GIGYF2: variants seen among roughly 807,000 people sequenced by gnomAD.
The protein encoded by GIGYF2 is GRB10-interacting GYF protein 2.
GIGYF2 carries 25 observed loss-of-function variants against 208.1 expected under a neutral mutation model. The ratio of observed to expected loss-of-function variants is 0.12; its 90% CI spans 0.09 to 0.17. The LOEUF (loss-of-function observed/expected upper bound fraction) is 0.17. Among genes scored for constraint, GIGYF2 ranks in the 10% least tolerant of loss-of-function variants. The pLI is 1.00. For synonymous variants in GIGYF2, 534 were observed against 543.8 expected, an observed-to-expected ratio of 0.98 and a Z score of 0.25; for missense variants, 1,302 against 1,579.4, an observed-to-expected ratio of 0.82 and a Z score of 2.98.
chr2:232,743,071 C>G (rs1485042697), intron 3 of GIGYF2, among the ~76,000 whole-genome samples: 2 of 152,156 alleles, frequency 1.3e-5, no homozygotes, highest in African/African-American at 4.8e-5. Flanking sequence ...ACAACACTTA[C>G]CAAGCGAAGA....
intron 5 of GIGYF2, among the ~76,000 whole-genome samples, chr2:232,752,020 C>T (rs1698350973): frequency 6.6e-6 from 1 of 152,280 alleles, no homozygotes; most frequent in South Asian, 2.1e-4. Flanking sequence ...GGTCTGTATT[C>T]TGTGATCACA....
At chr2:232,777,670 A>G (rs1240575980) in intron 8 of GIGYF2, among the ~76,000 whole-genome samples, 2 of 129,034 alleles carry the variant, frequency 1.5e-5, no homozygotes, top group Non-Finnish European at 3.1e-5. Flanking sequence ...TTTTATTAGT[A>G]CCAAATACTT....
chr2:232,725,369 A>C (rs1697148545), intron 2 of GIGYF2, among the ~76,000 whole-genome samples: 1 of 151,996 alleles, frequency 6.6e-6, no homozygotes, highest in Non-Finnish European at 1.5e-5. Context: ...TTTCTTCTTT[A>C]CCCTTTCCTG....
chr2:232,731,484 G>A (rs1264605136), intron 2 of GIGYF2, among the ~76,000 whole-genome samples: 1 of 152,114 alleles, frequency 6.6e-6, no homozygotes, highest in Non-Finnish European at 1.5e-5. Flanking sequence ...TGGTAAAACC[G>A]CTCCTTCAGG....
Position 232,844,511 on chromosome 2 carries a change from A to C in GIGYF2, c.3242A>C (p.Asp1081Ala). 6.2e-7 allele frequency: 1 copy of C among 1,613,822 alleles called. No individual in the cohort carries two copies. Among genetic ancestry groups the C allele is most frequent in the Non-Finnish European group, 8.5e-7 (1 of 1,179,750 alleles). The change falls in exon 25 of 29, where the codon GAT becomes GCT. Residue 1081 changes from aspartate (D) to alanine (A), a missense_variant. Asp to Ala is a moderately radical substitution (Grantham distance 126). Around this residue, in one of 8 missense-constraint regions of GIGYF2, gnomAD observed 701 missense variants for 793.0 expected, o/e 0.88. Coordinates refer to ENST00000373563, the MANE Select transcript of GIGYF2 (RefSeq NM_001103146.3). Reference sequence around the variant, plus strand: ...AACTCCAACATGGGATTCTGGGATGATGCAGTGAAAGAGGTGGGACCTAGG... The same window carrying C: ...AACTCCAACATGGGATTCTGGGATGCTGCAGTGAAAGAGGTGGGACCTAGG... ...TKNSNMGFWD[D>A]AVKEVGPRNS...
intron 2 of GIGYF2, among the ~76,000 whole-genome samples, chr2:232,733,237 A>G (rs1387584363): frequency 6.8e-6 from 1 of 148,074 alleles, no homozygotes; most frequent in African/African-American, 2.5e-5. Flanking sequence ...AGCCTGGGCG[A>G]CAGAGCGAGA....
chr2:232,817,029 A>C lies in GIGYF2; in HGVS notation c.2367A>C (p.Lys789Asn). 2 of 1,610,200 alleles carry C rather than the reference A, an allele frequency of 1.2e-6. No homozygotes were observed. The highest frequency in any genetic ancestry group is 1.7e-6 in the Non-Finnish European group (2 of 1,176,392). ...AGGAAGAAGAACTTGCCCGAAGGAA[A>C]CAGGTATGTATCTGGGAACTCTGAC... ...RREEEELARR[K>N]QEEALRRQRE... The change falls in exon 20 of 29, where the codon AAA (lysine) becomes AAC (asparagine). Residue 789 changes from lysine (K) to asparagine (N), a missense_variant. By Grantham distance (94) the Lys-to-Asn change is moderately conservative (BLOSUM62 0). Transcript: ENST00000373563.
chr2:232,758,507 G>A (rs981840713), intron 6 of GIGYF2, among the ~76,000 whole-genome samples: 3 of 152,160 alleles, frequency 2.0e-5, no homozygotes, highest in African/African-American at 7.2e-5. Context: ...CTTACGATAG[G>A]TTCATCATGT....
rs1483223539 is a variant in GIGYF2, at chr2:232,723,052, G to A, written c.-43-12103G>A. On this transcript the variant is annotated intron_variant, in intron 2 of 28. Coordinates refer to ENST00000373563, the MANE Select transcript of GIGYF2 (RefSeq NM_001103146.3). The stretch of plus-strand genomic sequence containing the variant: ...TCCCAGCCTGGTCTCAAACTCCTGG[G>A]CTCAAGCAATCTGCCTACCTCAGCG... 2.6e-5 allele frequency among the ~76,000 whole-genome samples: 4 copies of A among 152,064 alleles called. No individual in the cohort carries two copies. In the East Asian group the frequency reaches 7.7e-4, roughly 29 times the overall value.
chr2:232,787,097 A>C, intron 8 of GIGYF2, 53 bp from the exon 9 acceptor site: 1 of 1,351,520 alleles, frequency 7.4e-7, no homozygotes, highest in Non-Finnish European at 1.1e-6. Context: ...TTTGTTTTCA[A>C]AGCCTATACT....
chr2:232,745,828 A>G (rs1334156211), intron 3 of GIGYF2, among the ~76,000 whole-genome samples: 1 of 152,198 alleles, frequency 6.6e-6, no homozygotes, highest in African/African-American at 2.4e-5. Flanking sequence ...ACTACATACG[A>G]AGTATTGCCA....
intron 14 of GIGYF2, among the ~76,000 whole-genome samples, chr2:232,797,199 A>G (rs980423843): frequency 2.0e-4 from 30 of 152,172 alleles, no homozygotes; most frequent in African/African-American, 6.3e-4. Context: ...TGTAAGTTCG[A>G]TTAGAATGGG....
chr2:232,843,872 C>G, intron 23 of GIGYF2, 174 bp from the exon 24 acceptor site: 1 of 661,284 alleles, frequency 1.5e-6, no homozygotes, highest in African/African-American at 1.8e-5. Flanking sequence ...TGTTTTTATT[C>G]TCCTTTTTAA....
At position 232,763,341 on chromosome 2, in the gene GIGYF2, T is replaced by G. The variant is rs565468296; in HGVS notation, c.532+1905T>G. On this transcript the variant is annotated intron_variant, in intron 8 of 28. Coordinates refer to ENST00000373563, the MANE Select transcript of GIGYF2 (RefSeq NM_001103146.3). ...GGATTATAGTAGTTCTCCCCCTTTA[T>G]TTGTGGGAGATACATTTCAAGACCC... Among the ~76,000 whole-genome samples, 251 of 152,232 alleles carry G rather than the reference T, an allele frequency of 1.6e-3. 1 individual carries two copies. The highest frequency in any genetic ancestry group is 3.7e-3 in the South Asian group (18 of 4,816).
intron 5 of GIGYF2, among the ~76,000 whole-genome samples, chr2:232,752,102 T>C (rs1698355641): frequency 6.6e-6 from 1 of 152,198 alleles, no homozygotes; most frequent in Admixed American, 6.5e-5. Context: ...TTGAAGGCAT[T>C]TAAAATGCAC....
At chr2:232,787,067 G>T in intron 8 of GIGYF2, 83 bp from the exon 9 acceptor site, 1 of 978,128 alleles carries the variant, frequency 1.0e-6, no homozygotes, top group Non-Finnish European at 1.7e-6. Context: ...TTGCAGGAAA[G>T]CTTGATTTGA....
At chr2:232,770,638 C>CA (rs1699201537) in intron 8 of GIGYF2, among the ~76,000 whole-genome samples, 1 of 151,686 alleles carries the variant, frequency 6.6e-6, no homozygotes, top group African/African-American at 2.4e-5. Flanking sequence ...GATATTTCTG[C>CA]AATTTAGTAT....
intron 9 of GIGYF2, among the ~76,000 whole-genome samples, chr2:232,789,404 G>A (rs1269451366): frequency 1.3e-5 from 2 of 152,146 alleles, no homozygotes; most frequent in Non-Finnish European, 2.9e-5. Context: ...AATGAAAGCA[G>A]TACAGAGGGC....
intron 4 of GIGYF2, among the ~76,000 whole-genome samples, chr2:232,748,473 T>C (rs11685169): frequency 0.16 from 24,935 of 152,090 alleles, 2,612 homozygotes; most frequent in Non-Finnish European, 0.22. Context: ...TTGGTAGAGA[T>C]GGGATTTCAC....
Sources: gnomAD v4.1 joint callset for allele counts (sites outside exome capture counted in the v4.1 genomes callset) on GRCh38, gnomAD v4.1.1 for gene constraint, gnomAD v4.1.1 regional missense constraint, MANE v1.5 for transcripts, NCBI Gene and HGNC (gene_info 2026-07-23, HGNC 2026-07-21) for gene names.